The following MAPK10 variants were observed in gnomAD, a reference collection of about 807,000 sequenced individuals.
MAPK10 encodes JNK3 alpha protein kinase.
Under a neutral mutation model 59.3 loss-of-function variants are expected in MAPK10, and 25 were observed. The observed-to-expected ratio is 0.42, with a 90% CI of 0.31 to 0.59. MAPK10 has a LOEUF of 0.59. Among genes scored for constraint, MAPK10 ranks in the 20% least tolerant of loss-of-function variants. The probability of loss-of-function intolerance (pLI) is 0.15; values close to 1 mark genes in which losing one functional copy is unlikely to be tolerated. For missense variants in MAPK10, 351 were observed against 568.9 expected (o/e 0.62, Z 3.90); for synonymous variants, 190 against 200.5 (o/e 0.95, Z 0.44).
At chr4:86,116,740 T>C (rs574678943) in intron 4 of MAPK10, among the ~76,000 whole-genome samples, 1 of 152,350 alleles carries the variant, frequency 6.6e-6, no homozygotes, top group South Asian at 2.1e-4. Context: ...GGGCAAGTCA[T>C]TTACACTTTC....
At chr4:86,409,599 C>T (rs1475345149) in intron 1 of MAPK10, among the ~76,000 whole-genome samples, 1 of 152,110 alleles carries the variant, frequency 6.6e-6, no homozygotes, top group Non-Finnish European at 1.5e-5. Flanking sequence ...TGTAGTTCTC[C>T]TTGAAGAGGT....
At chr4:86,180,053 A>G (rs75329479) in intron 3 of MAPK10, among the ~76,000 whole-genome samples, 12,876 of 152,132 alleles carry the variant, frequency 0.085, 1,210 homozygotes, top group African/African-American at 0.23. Context: ...TACAACCCAA[A>G]GAATGGGAGA....
At chr4:86,273,003 T>C (rs1385149592) in intron 2 of MAPK10, among the ~76,000 whole-genome samples, 1 of 152,102 alleles carries the variant, frequency 6.6e-6, no homozygotes, top group Non-Finnish European at 1.5e-5. Flanking sequence ...AGCCTTCTTT[T>C]TAATAAATAT....
intron 2 of MAPK10, among the ~76,000 whole-genome samples, chr4:86,260,909 G>T (rs894028952): frequency 2.6e-5 from 4 of 152,096 alleles, no homozygotes; most frequent in Non-Finnish European, 1.5e-5. Context: ...ATGCAATGAA[G>T]AGATAAACAT....
chr4:86,432,999 G>C (rs1363538115), intron 1 of MAPK10, among the ~76,000 whole-genome samples: 1 of 152,194 alleles, frequency 6.6e-6, no homozygotes, highest in Non-Finnish European at 1.5e-5. Flanking sequence ...TGAAGATAAT[G>C]AGTACTAATT....
At chr4:86,062,533 T>A (rs1470318027) in intron 11 of MAPK10, among the ~76,000 whole-genome samples, 2 of 152,138 alleles carry the variant, frequency 1.3e-5, no homozygotes, top group East Asian at 1.9e-4. Flanking sequence ...ATGCAGACTT[T>A]ATGACTCTAA....
intron 13 of MAPK10, chr4:86,024,598 T>C (rs572695542): frequency 1.3e-5 from 2 of 152,336 alleles, no homozygotes; most frequent in African/African-American, 4.8e-5. Context: ...TACTGCTGAG[T>C]AGTAGCACAG....
intron 7 of MAPK10, 42 bp downstream of exon 7, chr4:86,101,852 C>T: frequency 2.5e-6 from 4 of 1,606,600 alleles, no homozygotes; most frequent in Non-Finnish European, 3.4e-6. Context: ...TACTCTTCCT[C>T]TTAAAGCATT....
chr4:86,440,153 T>G (rs1378961966), intron 1 of MAPK10, among the ~76,000 whole-genome samples: 3 of 152,152 alleles, frequency 2.0e-5, no homozygotes, highest in African/African-American at 7.2e-5. Context: ...CTCTAGGATA[T>G]ACTAGCTGAA....
chr4:86,432,311 G>C (rs1338942593), intron 1 of MAPK10, among the ~76,000 whole-genome samples: 1 of 152,156 alleles, frequency 6.6e-6, no homozygotes, highest in Non-Finnish European at 1.5e-5. Flanking sequence ...ATCTTGCCCT[G>C]TCACTGAGGC....
At chr4:86,065,761 C>G (rs892924057) in intron 10 of MAPK10, among the ~76,000 whole-genome samples, 1 of 151,826 alleles carries the variant, frequency 6.6e-6, no homozygotes, top group African/African-American at 2.4e-5. Context: ...AAAGTTGAAC[C>G]GTGAAAATAT....
intron 3 of MAPK10, among the ~76,000 whole-genome samples, chr4:86,166,765 C>G (rs755883444): frequency 4.6e-5 from 7 of 152,134 alleles, no homozygotes; most frequent in African/African-American, 1.7e-4. Flanking sequence ...GAAATGCCAG[C>G]TGTCACCTAA....
intron 1 of MAPK10, among the ~76,000 whole-genome samples, chr4:86,401,464 C>A (rs1743717551): frequency 6.6e-6 from 1 of 152,142 alleles, no homozygotes; most frequent in Non-Finnish European, 1.5e-5. Context: ...GAAAGATGTT[C>A]TTGAGATAAC....
intron 3 of MAPK10, among the ~76,000 whole-genome samples, chr4:86,188,038 T>C (rs1400839420): frequency 5.9e-5 from 9 of 152,176 alleles, no homozygotes; most frequent in Admixed American, 5.9e-4. Context: ...CTAAGAATGA[T>C]GGTTTCCAGC....
rs150014736 is a variant in MAPK10, at chr4:86,010,737, T to A, written c.*6491A>T. On this transcript the variant is annotated 3_prime_UTR_variant, in exon 14 of 14. Transcript: ENST00000641462. ...AAAAATTGATTTTTTGGTATAATTG[T>A]TCATAGGCAATATTTTCACCAGGAT... 9.2e-5 allele frequency: 14 copies of A among 152,346 alleles called. No homozygotes were observed. Among genetic ancestry groups the A allele is most frequent in the African/African-American group, 3.4e-4 (14 of 41,580 alleles). 9.4% of individuals were successfully genotyped at this position (152,346 alleles called of 1,614,324 possible). A position where few individuals can be genotyped will look rare whatever the true frequency, so the allele number is the denominator to read the frequency against.
At chr4:86,530,144 T>C (rs1757756669) in intron 1 of MAPK10, among the ~76,000 whole-genome samples, 1 of 151,284 alleles carries the variant, frequency 6.6e-6, no homozygotes, top group Admixed American at 6.6e-5. Flanking sequence ...CAGGGCTGTG[T>C]CCAGGCAATC....
chr4:86,390,708 C>T (rs973087925), intron 1 of MAPK10, among the ~76,000 whole-genome samples: 1 of 152,202 alleles, frequency 6.6e-6, no homozygotes, highest in Non-Finnish European at 1.5e-5. Context: ...GGAACCCACA[C>T]ATCACCCTTT....
chr4:86,225,465 G>T (rs988964046), intron 2 of MAPK10, among the ~76,000 whole-genome samples: 4 of 152,104 alleles, frequency 2.6e-5, no homozygotes, highest in African/African-American at 9.7e-5. Flanking sequence ...ACTCCTGAAA[G>T]CTTGTGTGTG....
intron 1 of MAPK10, among the ~76,000 whole-genome samples, chr4:86,575,792 G>A (rs1224847265): frequency 2.7e-5 from 4 of 150,368 alleles, no homozygotes; most frequent in Admixed American, 1.3e-4. Flanking sequence ...TGTATGATGG[G>A]GTTATGATGT....
Sources: gnomAD v4.1 joint callset for allele counts (sites outside exome capture counted in the v4.1 genomes callset) on GRCh38, gnomAD v4.1.1 for gene constraint, MANE v1.5 for transcripts, NCBI Gene and HGNC (gene_info 2026-07-23, HGNC 2026-07-21) for gene names.